Variants in ST8SIA6 observed in about 807,000 individuals in gnomAD.
ST8SIA6 encodes ST8 alpha-N-acetyl-neuraminide alpha-2,8-sialyltransferase 6.
Under a neutral mutation model 33.6 loss-of-function variants are expected in ST8SIA6, and 39 were observed. The ratio of observed to expected loss-of-function variants is 1.16; its 90% confidence interval spans 0.90 to 1.52. The LOEUF is 1.52. ST8SIA6 is among the 40% of genes most tolerant of loss of function. ST8SIA6 has a pLI of 0.00. For missense variants in ST8SIA6, 441 were observed against 443.8 expected (o/e 0.99, Z 0.06); for synonymous variants, 172 against 167.2 (o/e 1.03, Z -0.22).
intron 4 of ST8SIA6, among the ~76,000 whole-genome samples, chr10:17,349,602 AT>A (rs1358988708): frequency 6.6e-6 from 1 of 152,260 alleles, no homozygotes; most frequent in Non-Finnish European, 1.5e-5. Flanking sequence ...AGACGTTGCC[AT>A]AAATAACCAG....
At chr10:17,427,359 A>G (rs1452152074) in intron 2 of ST8SIA6, among the ~76,000 whole-genome samples, 1 of 152,230 alleles carries the variant, frequency 6.6e-6, no homozygotes, top group African/African-American at 2.4e-5. Flanking sequence ...GGTGCTGCCA[A>G]TGCTGCTGGC....
At chr10:17,452,101 C>T (rs1026020388) in intron 2 of ST8SIA6, among the ~76,000 whole-genome samples, 2 of 152,188 alleles carry the variant, frequency 1.3e-5, no homozygotes, top group Admixed American at 1.3e-4. Context: ...AGATGGAATG[C>T]TTCTCAGCTC....
Position 17,320,776 on chromosome 10 carries a change from C to A in ST8SIA6, c.*102G>T, listed in dbSNP as rs188212862. On this transcript the variant is annotated 3_prime_UTR_variant, in exon 8 of 8. Transcript: ENST00000377602. The stretch of plus-strand genomic sequence containing the variant: ...GCTTTGGTCAAACCAAATTTTGGGG[C>A]TCATCTCAAAATACTCTTTAGCCAC... The A allele has an allele frequency of 1.5e-4, 185 of 1,269,844 alleles. 1 individual carries two copies. The highest frequency in any genetic ancestry group is 1.4e-3 in the Admixed American group (59 of 43,634). 78.7% of individuals were successfully genotyped at this position (1,269,844 alleles called of 1,614,324 possible).
intron 2 of ST8SIA6, among the ~76,000 whole-genome samples, chr10:17,392,706 G>C (rs1850660124): frequency 6.6e-6 from 1 of 152,184 alleles, no homozygotes; most frequent in Admixed American, 6.5e-5. Flanking sequence ...GGAGAGAGCT[G>C]ATGGCAACTC....
intron 2 of ST8SIA6, among the ~76,000 whole-genome samples, chr10:17,424,329 C>T (rs1246955653): frequency 3.9e-5 from 6 of 152,104 alleles, no homozygotes; most frequent in Non-Finnish European, 8.8e-5. Flanking sequence ...GTCTCGAGCT[C>T]CTGACCTCAG....
intron 1 of ST8SIA6, 82 bp from the exon 2 acceptor site, chr10:17,453,739 C>T: frequency 8.9e-7 from 1 of 1,119,052 alleles, no homozygotes; most frequent in Non-Finnish European, 1.1e-6. Context: ...CGCTCCTTGC[C>T]TGGCAGGGAG....
chr10:17,335,375 A>G (rs1330399028), intron 4 of ST8SIA6, among the ~76,000 whole-genome samples: 1 of 152,196 alleles, frequency 6.6e-6, no homozygotes, highest in African/African-American at 2.4e-5. Flanking sequence ...ACATGTTTCT[A>G]CTGAATTTTG....
chr10:17,353,815 C>A (rs1849107497), intron 4 of ST8SIA6, among the ~76,000 whole-genome samples: 1 of 152,140 alleles, frequency 6.6e-6, no homozygotes, highest in African/African-American at 2.4e-5. Flanking sequence ...TGATAATATT[C>A]AGTCATCTTG....
In ST8SIA6 at chr10:17,337,153, T is replaced by A. The variant is rs1469530473; in HGVS notation, c.378-5601A>T. Among the ~76,000 whole-genome samples, 5 of 130,086 alleles carry A rather than the reference T, an allele frequency of 3.8e-5. No homozygotes were observed. In the East Asian group the frequency reaches 9.6e-4, roughly 25 times the overall value. 85.3% of individuals were successfully genotyped at this position (130,086 alleles called of 152,430 possible). On this transcript the variant is annotated intron_variant, in intron 4 of 7. Transcript: ENST00000377602. Reference sequence around the variant, plus strand: ...AGTGTGAAGCACCTCCCCTTCTCTCTCTTCCTCCGGCCGTTTAAGAAGAGC... The same window carrying A: ...AGTGTGAAGCACCTCCCCTTCTCTCACTTCCTCCGGCCGTTTAAGAAGAGC...
intron 3 of ST8SIA6, among the ~76,000 whole-genome samples, chr10:17,364,357 T>C (rs1177565192): frequency 6.6e-6 from 1 of 152,220 alleles, no homozygotes; most frequent in Non-Finnish European, 1.5e-5. Flanking sequence ...TTTGACTTTA[T>C]GGTAACTGGT....
chr10:17,364,971 A>G (rs1165344510), intron 3 of ST8SIA6, among the ~76,000 whole-genome samples: 1 of 152,232 alleles, frequency 6.6e-6, no homozygotes, highest in Non-Finnish European at 1.5e-5. Context: ...CCTTGTATGT[A>G]GATGAGCTAA....
intron 2 of ST8SIA6, among the ~76,000 whole-genome samples, chr10:17,420,184 C>T (rs1645756564): frequency 2.0e-5 from 3 of 152,292 alleles, no homozygotes; most frequent in African/African-American, 7.2e-5. Flanking sequence ...GAGGCCGAGA[C>T]GGGCGGATCA....
intron 2 of ST8SIA6, among the ~76,000 whole-genome samples, chr10:17,394,888 C>CT (rs1482930222): frequency 6.6e-6 from 1 of 152,134 alleles, no homozygotes; most frequent in African/African-American, 2.4e-5. Flanking sequence ...TGCAAAGACT[C>CT]TAAACCAGGA....
chr10:17,444,168 C>T (rs1852612525), intron 2 of ST8SIA6, among the ~76,000 whole-genome samples: 1 of 152,120 alleles, frequency 6.6e-6, no homozygotes, highest in Admixed American at 6.5e-5. Context: ...TATGCTAATG[C>T]CTGTTGCCTT....
intron 2 of ST8SIA6, among the ~76,000 whole-genome samples, chr10:17,448,918 C>T (rs1349209920): frequency 6.6e-6 from 1 of 150,626 alleles, no homozygotes; most frequent in Non-Finnish European, 1.5e-5. Context: ...TTGCGCCCGG[C>T]CGGCAGGGTT....
intron 4 of ST8SIA6, among the ~76,000 whole-genome samples, chr10:17,347,636 C>T (rs1360774133): frequency 1.3e-5 from 2 of 152,258 alleles, no homozygotes; most frequent in East Asian, 3.9e-4. Context: ...GAGCATAAAG[C>T]TGTGACAGAA....
At chr10:17,354,552 A>C (rs114193657) in intron 4 of ST8SIA6, among the ~76,000 whole-genome samples, 260 of 152,352 alleles carry the variant, frequency 1.7e-3, no homozygotes, top group African/African-American at 6.0e-3. Flanking sequence ...GGACATCTTC[A>C]ACTCTTACTT....
chr10:17,413,231 C>T (rs1284253516), intron 2 of ST8SIA6: 1 of 150,822 alleles, frequency 6.6e-6, no homozygotes, highest in Non-Finnish European at 1.5e-5. Flanking sequence ...TGAACGCTTC[C>T]ATTTAGTTCA....
chr10:17,447,818 A>T (rs1298024148), intron 2 of ST8SIA6, among the ~76,000 whole-genome samples: 1 of 152,142 alleles, frequency 6.6e-6, no homozygotes, highest in Non-Finnish European at 1.5e-5. Flanking sequence ...TAAAATTTAA[A>T]AAAAATTTTT....
Sources: allele counts gnomAD v4.1 joint callset (sites outside exome capture counted in the v4.1 genomes callset), GRCh38; gene constraint gnomAD v4.1.1; transcripts MANE v1.5; gene names NCBI Gene and HGNC (gene_info 2026-07-23, HGNC 2026-07-21).